TRPM3: variants seen among roughly 807,000 people sequenced by gnomAD.
TRPM3 encodes transient receptor potential cation channel subfamily M member 3.
TRPM3 carries 77 observed loss-of-function variants against 181.2 expected under a neutral mutation model. The observed-to-expected ratio is 0.42, with a 90% CI of 0.35 to 0.51. The LOEUF (loss-of-function observed/expected upper bound fraction) is 0.51. Among genes scored for constraint, TRPM3 ranks in the 20% least tolerant of loss-of-function variants. The pLI, the probability that TRPM3 is intolerant of heterozygous loss-of-function variation, is 0.01. For synonymous variants in TRPM3, 745 were observed against 796.4 expected, an observed-to-expected ratio of 0.94 and a Z score of 1.09; for missense variants, 1,759 against 2,196.7, an observed-to-expected ratio of 0.80 and a Z score of 3.98.
chr9:71,170,087 G>A (rs1345114260), intron 1 of TRPM3, among the ~76,000 whole-genome samples: 5 of 151,816 alleles, frequency 3.3e-5, no homozygotes, highest in African/African-American at 1.2e-4. Flanking sequence ...AGAAGATGGT[G>A]AGAGCTGCAC....
chr9:71,420,793 G>A (rs796742065), intron 1 of TRPM3, among the ~76,000 whole-genome samples: 10 of 18,784 alleles, frequency 5.3e-4, no homozygotes, highest in South Asian at 1.7e-3. Flanking sequence ...GAGAAAGAGA[G>A]AGAAAGAAAG....
intron 8 of TRPM3, among the ~76,000 whole-genome samples, chr9:70,690,441 A>C (rs1323915030): frequency 1.3e-5 from 2 of 152,146 alleles, no homozygotes; most frequent in Non-Finnish European, 2.9e-5. Flanking sequence ...CAGTTTTTTC[A>C]TAGAATCTGG....
intron 1 of TRPM3, among the ~76,000 whole-genome samples, chr9:71,388,650 C>T (rs1259612831): frequency 1.3e-5 from 2 of 152,184 alleles, no homozygotes; most frequent in African/African-American, 4.8e-5. Flanking sequence ...GGCCTACAGA[C>T]ACATTCACTA....
chr9:70,658,378 T>A (rs1383596706), intron 9 of TRPM3, among the ~76,000 whole-genome samples: 1 of 152,176 alleles, frequency 6.6e-6, no homozygotes, highest in Non-Finnish European at 1.5e-5. Flanking sequence ...TCCTCTAAGA[T>A]ATTAGGTTCC....
rs1263808087 is a variant in TRPM3, at chr9:71,341,461, G to A, written c.183+105192C>T. 2.0e-5 allele frequency among the ~76,000 whole-genome samples: 3 copies of A among 151,974 alleles called. 1 individual carries two copies. Among genetic ancestry groups the A allele is most frequent in the Non-Finnish European group, 4.4e-5 (3 of 67,968 alleles). On this transcript the variant is annotated intron_variant, in intron 1 of 24. Transcript: ENST00000357533. Reference sequence around the variant, plus strand: ...CTTCTGTGGTATCTTTTCCGATAATGCACCACCTCAACCTATTCACTGGAA... The same window carrying A: ...CTTCTGTGGTATCTTTTCCGATAATACACCACCTCAACCTATTCACTGGAA...
chr9:71,124,201 T>C (rs1169367109), upstream of TRPM3, among the ~76,000 whole-genome samples: 3 of 151,914 alleles, frequency 2.0e-5, no homozygotes. Context: ...TTGTTTGCTA[T>C]CAAAACATCT....
At chr9:70,913,817 G>A (rs928483875) in intron 1 of TRPM3, among the ~76,000 whole-genome samples, 1 of 152,052 alleles carries the variant, frequency 6.6e-6, no homozygotes, top group East Asian at 1.9e-4. Flanking sequence ...TTGTCCATTA[G>A]TCTTGAAAAC....
At chr9:71,304,199 C>T (rs1048096771) in intron 1 of TRPM3, among the ~76,000 whole-genome samples, 5 of 152,260 alleles carry the variant, frequency 3.3e-5, no homozygotes, top group Non-Finnish European at 5.9e-5. Context: ...ATATTATATA[C>T]TTATACTATT....
intron 1 of TRPM3, among the ~76,000 whole-genome samples, chr9:70,941,810 C>A (rs1208628100): frequency 6.6e-6 from 1 of 152,156 alleles, no homozygotes; most frequent in Non-Finnish European, 1.5e-5. Context: ...GAATCTCAGG[C>A]ACCTTCTGAA....
intron 3 of TRPM3, among the ~76,000 whole-genome samples, chr9:70,853,893 T>C (rs2095312798): frequency 1.3e-5 from 2 of 152,216 alleles, no homozygotes; most frequent in Admixed American, 6.5e-5. Flanking sequence ...CATGTTTTTG[T>C]AGATAAGAAG....
rs369454378 is a variant in TRPM3, at chr9:71,296,408, A to G, written c.183+150245T>C. Among the ~76,000 whole-genome samples, 4 of 152,294 alleles carry G rather than the reference A, an allele frequency of 2.6e-5. No individual in the cohort carries two copies. The East Asian group carries it at 5.8e-4, about 22-fold the overall frequency. ...AGGGCAATGGAGGATTTCCTCTCTA[A>G]GAATGTAACATTTGACCTAGACTAG... On this transcript the variant is annotated intron_variant, in intron 1 of 24. Transcript: ENST00000357533.
chr9:70,757,776 A>T (rs751724062), intron 8 of TRPM3, among the ~76,000 whole-genome samples: 3 of 152,234 alleles, frequency 2.0e-5, no homozygotes, highest in Non-Finnish European at 2.9e-5. Flanking sequence ...ATAAAATTTA[A>T]CACCCCTTCA....
At chr9:70,971,440 C>G (rs2993008) in intron 1 of TRPM3, among the ~76,000 whole-genome samples, 14 of 152,070 alleles carry the variant, frequency 9.2e-5, no homozygotes, top group Admixed American at 5.2e-4. Context: ...TCTCTATTCA[C>G]CGCTAGGAAC....
At chr9:70,741,896 A>G (rs2074187462) in intron 8 of TRPM3, among the ~76,000 whole-genome samples, 1 of 152,116 alleles carries the variant, frequency 6.6e-6, no homozygotes, top group African/African-American at 2.4e-5. Flanking sequence ...TGATGGGTGC[A>G]CCAAAATCTC....
chr9:71,270,897 T>C lies in TRPM3; in HGVS notation c.183+175756A>G, dbSNP rs560457159. Among the ~76,000 whole-genome samples the C allele has an allele frequency of 3.9e-5, 6 of 152,326 alleles. No homozygotes were observed. The East Asian group carries it at 5.8e-4, about 15-fold the overall frequency. Reference sequence around the variant, plus strand: ...CATAAGAATCTTATGGAAAGATCCATGTGGGAAAGAGCTGAGGCTTCTTGC... The same window carrying C: ...CATAAGAATCTTATGGAAAGATCCACGTGGGAAAGAGCTGAGGCTTCTTGC... On this transcript the variant is annotated intron_variant, in intron 1 of 24. Transcript: ENST00000357533.
intron 22 of TRPM3, among the ~76,000 whole-genome samples, chr9:70,570,807 A>T (rs1047525389): frequency 1.3e-5 from 2 of 152,176 alleles, no homozygotes; most frequent in African/African-American, 4.8e-5. Flanking sequence ...ATCAGGGAGA[A>T]GCTACTCAAT....
intron 1 of TRPM3, among the ~76,000 whole-genome samples, chr9:71,176,677 C>A (rs1254427515): frequency 2.0e-5 from 3 of 151,948 alleles, no homozygotes; most frequent in Non-Finnish European, 4.4e-5. Flanking sequence ...CACCACTCAC[C>A]CACCGACTCA....
chr9:70,740,101 C>T (rs2073717617), intron 8 of TRPM3, among the ~76,000 whole-genome samples: 1 of 152,150 alleles, frequency 6.6e-6, no homozygotes, highest in East Asian at 1.9e-4. Context: ...GCTCTCAGAA[C>T]TGGTAAATGA....
intron 1 of TRPM3, among the ~76,000 whole-genome samples, chr9:71,385,767 C>T (rs775589915): frequency 9.2e-5 from 14 of 152,098 alleles, no homozygotes; most frequent in Non-Finnish European, 2.1e-4. Flanking sequence ...TGCAGTGGCA[C>T]AACCTTGGCT....
Sources: allele counts gnomAD v4.1 joint callset (sites outside exome capture counted in the v4.1 genomes callset), GRCh38; gene constraint gnomAD v4.1.1; transcripts MANE v1.5; gene names NCBI Gene and HGNC (gene_info 2026-07-23, HGNC 2026-07-21).